PRDM16: variants seen among roughly 807,000 people sequenced by gnomAD.
PRDM16 encodes PR/SET domain 16, also known as histone-lysine N-methyltransferase PRDM16.
Under a neutral mutation model 110.6 loss-of-function variants are expected in PRDM16, and 23 were observed. The observed-to-expected ratio is 0.21, with a 90% CI of 0.15 to 0.29. The LOEUF is 0.29. Ranked by LOEUF, PRDM16 falls within the 10% of genes least tolerant of loss-of-function variation. The pLI is 1.00. For missense variants in PRDM16, 1,615 were observed against 1,794.3 expected, an observed-to-expected ratio of 0.90 and a Z score of 1.81; for synonymous variants, 799 against 781.8, an observed-to-expected ratio of 1.02 and a Z score of -0.37.
chr1:3,133,767 T>C (rs12028027), intron 1 of PRDM16: 19,881 of 152,230 alleles, frequency 0.13, 1,744 homozygotes, highest in East Asian at 0.24. Flanking sequence ...CCCCATGAAG[T>C]GGCCCGTGCT....
chr1:3,163,640 T>C (rs1055537160), intron 1 of PRDM16, among the ~76,000 whole-genome samples: 5 of 151,562 alleles, frequency 3.3e-5, no homozygotes, highest in African/African-American at 9.8e-5. Context: ...GGCGGGGCGG[T>C]CCTTTGGAGG....
intron 3 of PRDM16, among the ~76,000 whole-genome samples, chr1:3,268,186 G>T (rs943261231): frequency 6.6e-6 from 1 of 152,212 alleles, no homozygotes; most frequent in Non-Finnish European, 1.5e-5. Context: ...CTCCTGCTGC[G>T]GTTGCAGTCG....
At chr1:3,128,639 C>T (rs1244496145) in intron 1 of PRDM16, among the ~76,000 whole-genome samples, 7 of 152,170 alleles carry the variant, frequency 4.6e-5, no homozygotes, top group African/African-American at 7.2e-5. Flanking sequence ...TGGAAGGAAG[C>T]GTCCAGCCCT....
intron 3 of PRDM16, among the ~76,000 whole-genome samples, chr1:3,292,932 T>G (rs2500295): frequency 6.6e-6 from 1 of 152,108 alleles, no homozygotes; most frequent in African/African-American, 2.4e-5. Flanking sequence ...TTTTCCTGTT[T>G]GTCTTCTGTG....
At chr1:3,202,356 G>C (rs1638649394) in intron 2 of PRDM16, among the ~76,000 whole-genome samples, 1 of 150,108 alleles carries the variant, frequency 6.7e-6, no homozygotes, top group Non-Finnish European at 1.5e-5. Context: ...TCTGGGGGAG[G>C]CTGGGGAAGC....
In PRDM16 at chr1:3,396,583, C is replaced by A; in HGVS notation, c.666C>A (p.Pro222=). Residue 222 remains proline, a synonymous_variant, in exon 5 of 17, where the codon CCC becomes CCA. Coordinates refer to ENST00000270722, the MANE Select transcript of PRDM16 (RefSeq NM_022114.4). The part of the protein sequence containing the change: ...EGVYPLGTVP[P]GLDEEPTFRC... ...TCTACCCCCTGGGCACAGTGCCGCC[C>A]GGCCTGGACGGTAAGACCCCTCCCC... The A allele has an allele frequency of 6.4e-7, 1 of 1,570,394 alleles. No homozygotes were observed. The highest frequency in any genetic ancestry group is 8.7e-7 in the Non-Finnish European group (1 of 1,152,530).
At chr1:3,377,022 G>C (rs1239562081) in intron 3 of PRDM16, among the ~76,000 whole-genome samples, 2 of 152,218 alleles carry the variant, frequency 1.3e-5, no homozygotes, top group Non-Finnish European at 2.9e-5. Flanking sequence ...CACAAGAATG[G>C]GCTTTCTGTT....
intron 10 of PRDM16, among the ~76,000 whole-genome samples, chr1:3,415,776 C>T (rs906434870): frequency 5.9e-5 from 9 of 152,300 alleles, no homozygotes; most frequent in South Asian, 4.1e-4. Context: ...CCCTGCAGCC[C>T]GGAGCCAGGA....
At chr1:3,181,537 C>CAA (rs1473774277) in intron 1 of PRDM16, among the ~76,000 whole-genome samples, 6 of 80,038 alleles carry the variant, frequency 7.5e-5, no homozygotes. Context: ...CGGTCTTACA[C>CAA]ACGGTCTTAC....
At chr1:3,271,426 C>T (rs948165516) in intron 3 of PRDM16, among the ~76,000 whole-genome samples, 1 of 152,170 alleles carries the variant, frequency 6.6e-6, no homozygotes, top group Admixed American at 6.5e-5. Context: ...CACTCTTAAG[C>T]CACTCCCAGC....
chr1:3,366,652 A>G (rs1321030642), intron 3 of PRDM16, among the ~76,000 whole-genome samples: 2 of 152,228 alleles, frequency 1.3e-5, no homozygotes, highest in African/African-American at 4.8e-5. Context: ...CAGAGAGAAA[A>G]AGGCCGTCGC....
chr1:3,276,670 A>AGCTGCCATGAACAGAGCCAGCGAGG (rs1640589804), intron 3 of PRDM16, among the ~76,000 whole-genome samples: 1 of 143,862 alleles, frequency 7.0e-6, no homozygotes, highest in African/African-American at 2.6e-5. Flanking sequence ...AGCCAGCTCG[A>AGCTGCCATGAACAGAGCCAGCGAGG]GGTGCCGTGA....
At chr1:3,097,358 G>T (rs1419110985) in intron 1 of PRDM16, among the ~76,000 whole-genome samples, 1 of 152,224 alleles carries the variant, frequency 6.6e-6, no homozygotes. Flanking sequence ...CAAAGGACCT[G>T]GTGGTGCCCA....
chr1:3,078,296 C>T (rs367909052), intron 1 of PRDM16, among the ~76,000 whole-genome samples: 5 of 152,166 alleles, frequency 3.3e-5, no homozygotes, highest in Non-Finnish European at 7.3e-5. Flanking sequence ...ACAGGGTCCC[C>T]GAGCTCTGGG....
chr1:3,372,495 G>T (rs755827941), intron 3 of PRDM16, among the ~76,000 whole-genome samples: 1 of 152,214 alleles, frequency 6.6e-6, no homozygotes, highest in East Asian at 1.9e-4. Context: ...CAGAGAAACC[G>T]CTTCCTGTGG....
intron 10 of PRDM16, 89 bp downstream of exon 10, chr1:3,414,736 A>T: frequency 2.9e-6 from 3 of 1,017,604 alleles, no homozygotes; most frequent in Non-Finnish European, 4.5e-6. Flanking sequence ...GCCAGGCTGG[A>T]GCCTAAGTCC....
intron 1 of PRDM16, among the ~76,000 whole-genome samples, chr1:3,106,158 G>A (rs1165460727): frequency 1.3e-5 from 2 of 152,220 alleles, no homozygotes; most frequent in Non-Finnish European, 2.9e-5. Context: ...GGGTGGGCGG[G>A]GTATGGGGGG....
intron 1 of PRDM16, among the ~76,000 whole-genome samples, chr1:3,084,920 G>T (rs1335203214): frequency 6.6e-6 from 1 of 152,208 alleles, no homozygotes; most frequent in African/African-American, 2.4e-5. Context: ...CAGGGTGGCT[G>T]CCAGGTGGAG....
chr1:3,185,514 G>A (rs1644257120), intron 1 of PRDM16, among the ~76,000 whole-genome samples: 1 of 152,124 alleles, frequency 6.6e-6, no homozygotes, highest in Non-Finnish European at 1.5e-5. Flanking sequence ...CGGCCCAAGT[G>A]CAGGGATGTC....
Sources: allele counts gnomAD v4.1 joint callset (sites outside exome capture counted in the v4.1 genomes callset), GRCh38; gene constraint gnomAD v4.1.1; transcripts MANE v1.5; gene names NCBI Gene and HGNC (gene_info 2026-07-23, HGNC 2026-07-21).